The following DPP6 variants were observed in gnomAD, a reference collection of about 807,000 sequenced individuals.
DPP6 encodes dipeptidyl peptidase like 6, also known as A-type potassium channel modulatory protein DPP6.
A neutral mutation model predicts 122.6 loss-of-function variants in DPP6; 69 were observed. That is an observed-to-expected ratio of 0.56 (90% CI 0.46 to 0.69). The LOEUF (loss-of-function observed/expected upper bound fraction) is 0.69. Ranked by LOEUF, DPP6 falls within the 30% of genes least tolerant of loss-of-function variation. The probability of loss-of-function intolerance (pLI) is 0.00; values close to 1 mark genes in which losing one functional copy is unlikely to be tolerated. For synonymous variants in DPP6, 418 were observed against 433.1 expected (o/e 0.97, Z 0.43); for missense variants, 928 against 1,116.9 (o/e 0.83, Z 2.41).
intron 3 of DPP6, among the ~76,000 whole-genome samples, chr7:154,528,659 A>G (rs1563807956): frequency 6.6e-6 from 1 of 152,244 alleles, no homozygotes; most frequent in Non-Finnish European, 1.5e-5. Flanking sequence ...CATGTACTCT[A>G]GTGCAGAAGA....
chr7:154,332,901 AG>A (rs1809078309), intron 1 of DPP6, among the ~76,000 whole-genome samples: 1 of 152,132 alleles, frequency 6.6e-6, no homozygotes, highest in South Asian at 2.1e-4. Flanking sequence ...GGGAAAGAGT[AG>A]AAAGTTCTTG....
chr7:153,816,459 C>T, the DPP6 span, among the ~76,000 whole-genome samples: 1 of 152,124 alleles, frequency 6.6e-6, no homozygotes, highest in Non-Finnish European at 1.5e-5. Context: ...TTGGAAGTAA[C>T]TGTTTCCCTT....
chr7:154,326,951 A>G (rs1225145135), intron 1 of DPP6, among the ~76,000 whole-genome samples: 3 of 152,156 alleles, frequency 2.0e-5, no homozygotes, highest in Non-Finnish European at 4.4e-5. Flanking sequence ...GGGTCGCTAG[A>G]GGGTGGGCAG....
chr7:153,812,341 T>C, the DPP6 span, among the ~76,000 whole-genome samples: 2 of 151,758 alleles, frequency 1.3e-5, no homozygotes, highest in African/African-American at 4.8e-5. Flanking sequence ...GAAATGTAAA[T>C]AGGTTGTTGT....
rs73727305 is a variant in DPP6, at chr7:154,585,953, G to A, written c.627+19037G>A. ...AGTCATGAGCATGGGAGAAAGGAGAGGAAGGCAGGGGAAGGCACTCCAGAT... is the reference window on the plus strand; with the variant it reads ...AGTCATGAGCATGGGAGAAAGGAGAAGAAGGCAGGGGAAGGCACTCCAGAT... On this transcript the variant is annotated intron_variant, in intron 5 of 25. Transcript: ENST00000377770. Among the ~76,000 whole-genome samples, 559 of 152,256 alleles carry A rather than the reference G, an allele frequency of 3.7e-3. 6 individuals are homozygous for A. The highest frequency in any genetic ancestry group is 0.012 in the African/African-American group (512 of 41,560).
chr7:154,360,294 C>T (rs371176953), intron 1 of DPP6, among the ~76,000 whole-genome samples: 10 of 152,302 alleles, frequency 6.6e-5, no homozygotes, highest in African/African-American at 2.4e-4. Context: ...TCTAGACCTC[C>T]AATTCCAAAC....
At chr7:154,621,652 C>T (rs188913792) in intron 5 of DPP6, among the ~76,000 whole-genome samples, 130 of 152,352 alleles carry the variant, frequency 8.5e-4, no homozygotes, top group African/African-American at 3.0e-3. Flanking sequence ...GAGGCATGAG[C>T]TACCGCACCA....
chr7:154,582,690 C>CA (rs1832153920), intron 5 of DPP6, among the ~76,000 whole-genome samples: 1 of 152,142 alleles, frequency 6.6e-6, no homozygotes, highest in Admixed American at 6.5e-5. Flanking sequence ...AAAGCAAAGA[C>CA]AAAAAAGTTC....
At chr7:154,841,878 G>C (rs1361683264) in intron 16 of DPP6, among the ~76,000 whole-genome samples, 1 of 152,088 alleles carries the variant, frequency 6.6e-6, no homozygotes, top group South Asian at 2.1e-4. Context: ...CGGAGTGGAG[G>C]GGGTGGGGAC....
rs952813064 is a variant in DPP6, at chr7:154,891,408, C to T, written c.2452-926C>T. On this transcript the variant is annotated intron_variant, in intron 25 of 25. Coordinates refer to ENST00000377770, the MANE Select transcript of DPP6 (RefSeq NM_130797.4). ...TCCAGGCCTCATTCTAAGCACGGCACGGCTATAAGATTGTTTAATTCTCAC... is the reference window on the plus strand; with the variant it reads ...TCCAGGCCTCATTCTAAGCACGGCATGGCTATAAGATTGTTTAATTCTCAC... Among the ~76,000 whole-genome samples, 21 of 152,106 alleles carry T rather than the reference C, an allele frequency of 1.4e-4. No homozygotes were observed. The East Asian group carries it at 1.7e-3, about 13-fold the overall frequency.
chr7:153,894,297 G>A (rs757607409), intron 1 of DPP6, among the ~76,000 whole-genome samples: 6 of 152,150 alleles, frequency 3.9e-5, no homozygotes, highest in Non-Finnish European at 7.4e-5. Flanking sequence ...CAGCAACATA[G>A]AAGAATTCCA....
At chr7:153,913,986 A>G (rs1415186180) in intron 1 of DPP6, among the ~76,000 whole-genome samples, 1 of 152,180 alleles carries the variant, frequency 6.6e-6, no homozygotes, top group Admixed American at 6.5e-5. Flanking sequence ...TGCACTTACT[A>G]TTCACTGAAA....
At chr7:154,591,350 G>C (rs1311061624) in intron 5 of DPP6, among the ~76,000 whole-genome samples, 1 of 152,198 alleles carries the variant, frequency 6.6e-6, no homozygotes, top group Non-Finnish European at 1.5e-5. Flanking sequence ...AGTAACTGAT[G>C]GTGAGGATGA....
At chr7:154,000,144 C>G (rs549617600) in intron 1 of DPP6, among the ~76,000 whole-genome samples, 13 of 152,124 alleles carry the variant, frequency 8.5e-5, no homozygotes, top group Non-Finnish European at 1.8e-4. Context: ...TCTTTGAGCA[C>G]AAATATGTTT....
chr7:154,529,690 A>G (rs182076913), intron 3 of DPP6, among the ~76,000 whole-genome samples: 1 of 152,362 alleles, frequency 6.6e-6, no homozygotes, highest in East Asian at 1.9e-4. Flanking sequence ...CAGCAGAGAA[A>G]TAGAAAATCT....
In DPP6 at chr7:153,921,477, A is replaced by G. The variant is rs542499372; in HGVS notation, c.51+33743A>G. ...TTAAAATGAATAAAGCACATAACTCATAACATTTTTGAGTAAAAGAAAATG... is the reference window on the plus strand; with the variant it reads ...TTAAAATGAATAAAGCACATAACTCGTAACATTTTTGAGTAAAAGAAAATG... On this transcript the variant is annotated intron_variant, in intron 1 of 25. Coordinates refer to the DPP6 transcript ENST00000404039. 7.2e-5 allele frequency among the ~76,000 whole-genome samples: 11 copies of G among 152,380 alleles called. No individual in the cohort carries two copies. The East Asian group carries it at 1.9e-3, about 27-fold the overall frequency.
rs568066223 is a variant in DPP6 at position 154,807,093 on chromosome 7, C to A, written c.1647C>A (p.Phe549Leu). ...CTTCCTTCAGCCATAGCATGGACTT[C>A]TTCCTGCTCAAGTGCGAAGGTCAGC... The part of the protein sequence containing the change: ...FSASFSHSMD[F>L]FLLKCEGPGV... The change falls in exon 16 of 26, where the codon TTC becomes TTA. Residue 549 changes from phenylalanine to leucine, a missense_variant. Phe to Leu is a conservative substitution (Grantham distance 22). Transcript: ENST00000377770. 8.1e-6 allele frequency: 13 copies of A among 1,613,562 alleles called. No individual in the cohort carries two copies. In the East Asian group the frequency reaches 2.9e-4, roughly 36 times the overall value.
intron 1 of DPP6, among the ~76,000 whole-genome samples, chr7:154,205,887 G>A (rs1337742049): frequency 6.6e-6 from 1 of 152,150 alleles, no homozygotes; most frequent in East Asian, 1.9e-4. Flanking sequence ...GAGCAGCCGT[G>A]GCCTCTCTTG....
intron 1 of DPP6, among the ~76,000 whole-genome samples, chr7:154,047,288 T>G (rs1800067260): frequency 7.0e-6 from 1 of 143,320 alleles, no homozygotes; most frequent in Non-Finnish European, 1.5e-5. Context: ...GGTTACAAAA[T>G]TAAAGCACTG....
Sources: gnomAD v4.1 joint callset for allele counts (sites outside exome capture counted in the v4.1 genomes callset) on GRCh38, gnomAD v4.1.1 for gene constraint, MANE v1.5 for transcripts, NCBI Gene and HGNC (gene_info 2026-07-23, HGNC 2026-07-21) for gene names.